The following CCDC148 variants were observed in gnomAD, a reference collection of about 807,000 sequenced individuals.
The protein encoded by CCDC148 is coiled-coil domain containing 148.
CCDC148 carries 89 observed loss-of-function variants against 85.7 expected under a neutral mutation model. The ratio of observed to expected loss-of-function variants is 1.04; its 90% confidence interval spans 0.87 to 1.24. The LOEUF (loss-of-function observed/expected upper bound fraction) is 1.24. Ranked by LOEUF, CCDC148 falls within the 50% of genes most tolerant of loss-of-function variation. The pLI is 0.00. For missense variants in CCDC148, 692 were observed against 671.7 expected, an observed-to-expected ratio of 1.03 and a Z score of -0.33; for synonymous variants, 230 against 213.9, an observed-to-expected ratio of 1.08 and a Z score of -0.66.
intron 1 of CCDC148, among the ~76,000 whole-genome samples, chr2:158,395,668 A>G (rs1685490434): frequency 1.3e-5 from 2 of 152,160 alleles, no homozygotes; most frequent in African/African-American, 2.4e-5. Context: ...CCAACTTCAC[A>G]GCAATATGTC....
At chr2:158,363,807 T>A (rs1402665738) in intron 1 of CCDC148, among the ~76,000 whole-genome samples, 2 of 152,318 alleles carry the variant, frequency 1.3e-5, no homozygotes, top group Non-Finnish European at 1.5e-5. Context: ...TTGGAAGTTC[T>A]GGCCAGGGCA....
intron 1 of CCDC148, among the ~76,000 whole-genome samples, chr2:158,436,247 C>T (rs11717122): frequency 6.6e-5 from 10 of 152,106 alleles, no homozygotes; most frequent in African/African-American, 1.9e-4. Context: ...CCTCAGCAAA[C>T]GTCAAAGAAC....
At position 158,409,660 on chromosome 2, in the gene CCDC148, G is replaced by A. The variant is rs1231014832; in HGVS notation, c.25+46755C>T. On this transcript the variant is annotated intron_variant, in intron 1 of 13. Coordinates refer to ENST00000283233, the MANE Select transcript of CCDC148 (RefSeq NM_138803.4). ...ATAAGACTTTGAACTGTGGACTTCT[G>A]AGTTAATGCTGAAATGAGTTAAGAC... Among the ~76,000 whole-genome samples, 3 of 152,198 alleles carry A rather than the reference G, an allele frequency of 2.0e-5. No individual in the cohort carries two copies. In the East Asian group the frequency reaches 5.8e-4, roughly 29 times the overall value.
chr2:158,420,375 T>G (rs1057356552), intron 1 of CCDC148, among the ~76,000 whole-genome samples: 7 of 152,146 alleles, frequency 4.6e-5, no homozygotes, highest in Non-Finnish European at 8.8e-5. Context: ...CCCATCAGAC[T>G]AACAGCAGAT....
intron 11 of CCDC148, among the ~76,000 whole-genome samples, chr2:158,184,145 C>T (rs1359060666): frequency 6.6e-6 from 1 of 152,130 alleles, no homozygotes; most frequent in African/African-American, 2.4e-5. Context: ...TTTCTGCAAA[C>T]AGGAATGTGA....
At chr2:158,239,738 A>G (rs568202236) in intron 10 of CCDC148, among the ~76,000 whole-genome samples, 189 of 152,240 alleles carry the variant, frequency 1.2e-3, no homozygotes, top group Non-Finnish European at 2.3e-3. Flanking sequence ...TAATTTCTTC[A>G]CACATACAAT....
At chr2:158,204,337 T>C (rs1574395458) in intron 11 of CCDC148, among the ~76,000 whole-genome samples, 2 of 152,214 alleles carry the variant, frequency 1.3e-5, no homozygotes, top group East Asian at 1.9e-4. Flanking sequence ...AAATGCCTTC[T>C]ACTTGAATCT....
chr2:158,234,181 A>C (rs1315054834), intron 10 of CCDC148, among the ~76,000 whole-genome samples: 1 of 152,162 alleles, frequency 6.6e-6, no homozygotes, highest in Non-Finnish European at 1.5e-5. Context: ...ATCTCAAAAA[A>C]AAAAAATTGA....
At chr2:158,281,764 C>G (rs924629625) in intron 9 of CCDC148, among the ~76,000 whole-genome samples, 4 of 152,152 alleles carry the variant, frequency 2.6e-5, no homozygotes, top group African/African-American at 4.8e-5. Context: ...GGAATCCTCC[C>G]TAACTCATTT....
intron 9 of CCDC148, among the ~76,000 whole-genome samples, chr2:158,302,561 G>A (rs113647454): frequency 0.18 from 27,114 of 152,002 alleles, 3,113 homozygotes; most frequent in Middle Eastern, 0.26. Context: ...TCAGGTGGGC[G>A]GATCACAAGG....
intron 8 of CCDC148, among the ~76,000 whole-genome samples, chr2:158,312,598 C>CAAAAAAA (rs1692086440): frequency 8.2e-6 from 1 of 121,894 alleles, no homozygotes; most frequent in East Asian, 2.5e-4. Context: ...AAAAAAAAAA[C>CAAAAAAA]CAAAAAACAA....
chr2:158,220,565 A>G, intron 11 of CCDC148, 30 bp downstream of exon 11: 1 of 1,504,848 alleles, frequency 6.6e-7, no homozygotes, highest in Non-Finnish European at 9.2e-7. Context: ...CACCACCTCC[A>G]TTACCACACA....
chr2:158,290,420 G>A (rs138445130), intron 9 of CCDC148, among the ~76,000 whole-genome samples: 30 of 152,238 alleles, frequency 2.0e-4, no homozygotes, highest in East Asian at 7.7e-4. Flanking sequence ...GCCAGAGCAC[G>A]TCATCCTCTG....
chr2:158,336,338 C>CT (rs76410727), intron 7 of CCDC148, among the ~76,000 whole-genome samples: 2 of 152,282 alleles, frequency 1.3e-5, no homozygotes, highest in East Asian at 3.9e-4. Flanking sequence ...GACACAACTC[C>CT]TGAAACCTCA....
At chr2:158,218,101 A>T (rs752956349) in intron 11 of CCDC148, among the ~76,000 whole-genome samples, 26 of 152,224 alleles carry the variant, frequency 1.7e-4, no homozygotes, top group Non-Finnish European at 3.5e-4. Flanking sequence ...TATATGTCTT[A>T]AATATCCTGA....
At chr2:158,296,158 C>T (rs949945480) in intron 9 of CCDC148, among the ~76,000 whole-genome samples, 14 of 152,164 alleles carry the variant, frequency 9.2e-5, no homozygotes, top group Non-Finnish European at 1.5e-5. Flanking sequence ...AAACCAAGAT[C>T]ATAAAAATTC....
intron 1 of CCDC148, among the ~76,000 whole-genome samples, chr2:158,412,865 AT>A (rs1473751242): frequency 9.7e-5 from 11 of 113,078 alleles, no homozygotes; most frequent in African/African-American, 3.7e-4. Flanking sequence ...TATTATTATT[AT>A]TATACTTTAA....
At chr2:158,216,432 T>C (rs1454663727) in intron 11 of CCDC148, among the ~76,000 whole-genome samples, 1 of 133,592 alleles carries the variant, frequency 7.5e-6, no homozygotes, top group Non-Finnish European at 1.6e-5. Context: ...AGTCTTGCTC[T>C]GTCGCCCAGG....
intron 9 of CCDC148, among the ~76,000 whole-genome samples, chr2:158,287,415 G>A (rs1173308022): frequency 6.6e-6 from 1 of 152,072 alleles, no homozygotes; most frequent in Non-Finnish European, 1.5e-5. Flanking sequence ...TTCTACCTAT[G>A]AGCCTAGAAA....
Sources: gnomAD v4.1 joint callset for allele counts (sites outside exome capture counted in the v4.1 genomes callset) on GRCh38, gnomAD v4.1.1 for gene constraint, MANE v1.5 for transcripts, NCBI Gene and HGNC (gene_info 2026-07-23, HGNC 2026-07-21) for gene names.